The following PIGU variants were observed in gnomAD, a reference collection of about 807,000 sequenced individuals.
PIGU encodes the protein phosphatidylinositol glycan anchor biosynthesis class U.
Under a neutral mutation model 49.9 loss-of-function variants are expected in PIGU, and 24 were observed. That is an observed-to-expected ratio of 0.48 (90% CI 0.35 to 0.68). The LOEUF (loss-of-function observed/expected upper bound fraction) is 0.68, where lower values mean the gene tolerates loss of function less well. PIGU is among the 30% of genes least tolerant of loss of function. PIGU has a pLI of 0.01. For missense variants in PIGU, 490 were observed against 532.6 expected, an observed-to-expected ratio of 0.92 and a Z score of 0.79; for synonymous variants, 220 against 205.7, an observed-to-expected ratio of 1.07 and a Z score of -0.59.
At chr20:34,628,645 G>T (rs1393487958) in intron 6 of PIGU, among the ~76,000 whole-genome samples, 3 of 152,168 alleles carry the variant, frequency 2.0e-5, no homozygotes, top group Non-Finnish European at 4.4e-5. Flanking sequence ...GAGGTCAGGA[G>T]TTCAAGACCA....
chr20:34,607,094 A>T (rs1003703401), intron 7 of PIGU, among the ~76,000 whole-genome samples: 2 of 152,222 alleles, frequency 1.3e-5, no homozygotes, highest in Non-Finnish European at 2.9e-5. Context: ...ATTAGCAAAG[A>T]ATCTAGAGGG....
intron 5 of PIGU, among the ~76,000 whole-genome samples, chr20:34,635,280 G>A (rs1042415665): frequency 5.9e-5 from 9 of 152,224 alleles, no homozygotes; most frequent in African/African-American, 2.2e-4. Flanking sequence ...GCCAATCCAA[G>A]AGTTAAAGCA....
rs865819022 is a variant in PIGU at position 34,658,073 on chromosome 20, G to A, written c.131-829C>T. Among the ~76,000 whole-genome samples the A allele has an allele frequency of 8.1e-3, 1,235 of 152,026 alleles. 15 individuals carry two copies. Among genetic ancestry groups the A allele is most frequent in the African/African-American group, 0.029 (1,181 of 41,438 alleles). On this transcript the variant is annotated intron_variant, in intron 1 of 11. Coordinates refer to ENST00000217446, the MANE Select transcript of PIGU (RefSeq NM_080476.5). ...AGCTGGACTGTACTGCTGCCATCTC[G>A]GCTCACTGCAACCTCCCTGCCTGAT... is the stretch of plus-strand genomic sequence containing the variant.
At chr20:34,647,251 G>A (rs547623160) in intron 2 of PIGU, among the ~76,000 whole-genome samples, 1 of 151,578 alleles carries the variant, frequency 6.6e-6, no homozygotes, top group East Asian at 1.9e-4. Context: ...GATTACAAGT[G>A]TGAGCCACCG....
chr20:34,637,979 T>C lies in PIGU; in HGVS notation c.325A>G (p.Lys109Glu). The change falls in exon 5 of 12, where the codon AAG becomes GAG. Residue 109 changes from lysine (K) to glutamate (E), a missense_variant. Lys to Glu is a moderately conservative substitution (Grantham distance 56). Coordinates refer to ENST00000217446, the MANE Select transcript of PIGU (RefSeq NM_080476.5). ...TCCAGTTCTAGGAGGAGTTTCTGCT[T>C]TTTAAACTAGAAAAAAAAAAAAAAG... ...IQDFNKVVFKKQKLLLELDQY... is the reference protein window; with the variant it reads ...IQDFNKVVFKEQKLLLELDQY... The C allele has an allele frequency of 6.4e-7, 1 of 1,566,208 alleles. No individual in the cohort carries two copies. Among genetic ancestry groups the C allele is most frequent in the South Asian group, 1.2e-5 (1 of 82,848 alleles).
At chr20:34,652,675 A>G (rs1324083641) in intron 2 of PIGU, among the ~76,000 whole-genome samples, 1 of 152,100 alleles carries the variant, frequency 6.6e-6, no homozygotes, top group Non-Finnish European at 1.5e-5. Flanking sequence ...ATTCATTTCA[A>G]AATACTTTCT....
intron 7 of PIGU, among the ~76,000 whole-genome samples, chr20:34,594,481 A>C (rs78372064): frequency 6.6e-6 from 1 of 152,342 alleles, no homozygotes; most frequent in Non-Finnish European, 1.5e-5. Flanking sequence ...AAGTGAAAAA[A>C]AGGAAAGCAC....
At chr20:34,651,003 C>A (rs1986526844) in intron 2 of PIGU, among the ~76,000 whole-genome samples, 1 of 152,092 alleles carries the variant, frequency 6.6e-6, no homozygotes, top group African/African-American at 2.4e-5. Flanking sequence ...TGTGAGCCAC[C>A]ATGCCCAGCC....
At chr20:34,668,457 G>A (rs181358140) in intron 1 of PIGU, among the ~76,000 whole-genome samples, 4,405 of 60,144 alleles carry the variant, frequency 0.073, 333 homozygotes, top group African/African-American at 0.23. Flanking sequence ...GCGAGACTCC[G>A]TCTCAAAAAA....
At chr20:34,596,368 C>T (rs1198260418) in intron 7 of PIGU, among the ~76,000 whole-genome samples, 1 of 152,072 alleles carries the variant, frequency 6.6e-6, no homozygotes, top group Admixed American at 6.6e-5. Context: ...GATCCTGAAA[C>T]AAACAAAAAT....
At chr20:34,609,418 G>A (rs764685645) in intron 7 of PIGU, among the ~76,000 whole-genome samples, 21 of 151,568 alleles carry the variant, frequency 1.4e-4, no homozygotes, top group Admixed American at 3.9e-4. Flanking sequence ...AGGCTTGAGT[G>A]CAGTGGCGCA....
chr20:34,585,606 G>T, intron 8 of PIGU, 26 bp from the exon 9 acceptor site: 2 of 1,604,792 alleles, frequency 1.2e-6, no homozygotes, highest in Non-Finnish European at 1.7e-6. Flanking sequence ...CAAAGGGAGA[G>T]AAAAAAGACA....
At chr20:34,614,389 C>A (rs557549357) in intron 7 of PIGU, among the ~76,000 whole-genome samples, 116 of 151,966 alleles carry the variant, frequency 7.6e-4, no homozygotes, top group African/African-American at 2.6e-3. Context: ...CTTTGGGAGA[C>A]CAAAGTGGGT....
chr20:34,564,539 G>GT (rs1456364024), intron 11 of PIGU, among the ~76,000 whole-genome samples: 6 of 152,204 alleles, frequency 3.9e-5, no homozygotes, highest in Non-Finnish European at 7.3e-5. Context: ...ATTGTTGTAT[G>GT]TAACAAACTC....
chr20:34,613,323 G>C (rs1008103469), intron 7 of PIGU, among the ~76,000 whole-genome samples: 2 of 152,176 alleles, frequency 1.3e-5, no homozygotes, highest in Non-Finnish European at 2.9e-5. Context: ...CTTTATGTCT[G>C]CAGTCTGGCA....
chr20:34,668,490 G>GC (rs1203487113), intron 1 of PIGU, among the ~76,000 whole-genome samples: 22 of 139,164 alleles, frequency 1.6e-4, no homozygotes, highest in Admixed American at 1.2e-3. Flanking sequence ...AAAAGGGGGG[G>GC]GCGGGCGTGC....
chr20:34,585,623 ATAAATTG>A (rs1983670303), intron 8 of PIGU, 43 bp from the exon 9 acceptor site: 7 of 1,599,020 alleles, frequency 4.4e-6, no homozygotes, highest in Non-Finnish European at 6.0e-6. Context: ...GACAAAAGTT[ATAAATTG>A]TCTGCTTTGA....
At chr20:34,661,771 G>A (rs1181487574) in intron 1 of PIGU, among the ~76,000 whole-genome samples, 1 of 152,036 alleles carries the variant, frequency 6.6e-6, no homozygotes, top group Non-Finnish European at 1.5e-5. Context: ...TTCTGTTTTA[G>A]GATCTTTGAG....
rs1050660954 is a variant in PIGU, at chr20:34,644,071, G to C, written c.318+93C>G. 10 of 1,192,316 alleles carry C rather than the reference G, an allele frequency of 8.4e-6. No homozygotes were observed. In the African/African-American group the frequency reaches 1.4e-4, roughly 16 times the overall value. The allele number at this position is 1,192,316 out of a possible 1,614,324, so 73.9% of individuals were successfully genotyped here. ...CACCATCACTTCCTAGCACTTTAAAGCATCTGGATCCTTAAGTATAAGATC... is the reference window on the plus strand; with the variant it reads ...CACCATCACTTCCTAGCACTTTAAACCATCTGGATCCTTAAGTATAAGATC... On this transcript the variant is annotated intron_variant, in intron 4 of 11. Transcript: ENST00000217446.
Sources: allele counts gnomAD v4.1 joint callset (sites outside exome capture counted in the v4.1 genomes callset), GRCh38; gene constraint gnomAD v4.1.1; transcripts MANE v1.5; gene names NCBI Gene and HGNC (gene_info 2026-07-23, HGNC 2026-07-21).